The following WDFY2 variants were observed in gnomAD, a reference collection of about 807,000 sequenced individuals.
The protein encoded by WDFY2 is WD repeat and FYVE domain-containing protein 2.
In WDFY2, 36 loss-of-function variants were observed where a neutral mutation model predicts 56.4. The observed-to-expected ratio is 0.64, with a 90% confidence interval of 0.49 to 0.84. WDFY2 has a LOEUF of 0.84. Ranked by LOEUF, WDFY2 falls within the 40% of genes least tolerant of loss-of-function variation. WDFY2 has a pLI of 0.00. For missense variants in WDFY2, 444 were observed against 512.2 expected, an observed-to-expected ratio of 0.87 and a Z score of 1.29; for synonymous variants, 176 against 183.7, an observed-to-expected ratio of 0.96 and a Z score of 0.34.
At chr13:51,720,665 T>C (rs1952466977) in intron 5 of WDFY2, among the ~76,000 whole-genome samples, 1 of 152,172 alleles carries the variant, frequency 6.6e-6, no homozygotes, top group South Asian at 2.1e-4. Context: ...AAACTTGGTG[T>C]CCTTTAAACA....
rs571251169 is a variant in WDFY2 at position 51,680,996 on chromosome 13, G to T, written c.279+5753G>T. On this transcript the variant is annotated intron_variant, in intron 3 of 11. Transcript: ENST00000298125. ...ACTGTTAAAAAATATGTGTTGGGTT[G>T]GGGGCAGGAATTTCAGCATTTAATC... Among the ~76,000 whole-genome samples the T allele has an allele frequency of 6.6e-5, 10 of 152,282 alleles. No homozygotes were observed. The East Asian group carries it at 7.7e-4, about 12-fold the overall frequency.
At chr13:51,609,450 C>G (rs1054166349) in intron 1 of WDFY2, among the ~76,000 whole-genome samples, 4 of 151,980 alleles carry the variant, frequency 2.6e-5, no homozygotes, top group Non-Finnish European at 5.9e-5. Context: ...AAAGTAGATA[C>G]AAGAACTAAA....
At chr13:51,745,973 C>CTTTTTCTTTTT (rs1953090484) in intron 7 of WDFY2, among the ~76,000 whole-genome samples, 3 of 100,734 alleles carry the variant, frequency 3.0e-5, no homozygotes, top group Non-Finnish European at 5.7e-5. Flanking sequence ...TTTTCTTTTT[C>CTTTTTCTTTTT]TTTTTTTTTT....
chr13:51,641,825 C>CAA (rs750489541), intron 1 of WDFY2, among the ~76,000 whole-genome samples: 953 of 37,272 alleles, frequency 0.026, 77 homozygotes, highest in Admixed American at 0.03. Flanking sequence ...GACTCCGTCT[C>CAA]AAAAAAAAAA....
chr13:51,697,250 A>C (rs1192759579), intron 3 of WDFY2, among the ~76,000 whole-genome samples: 1 of 152,234 alleles, frequency 6.6e-6, no homozygotes. Flanking sequence ...GTTTCTAGAA[A>C]ACCATCCAAA....
At chr13:51,754,187 C>T (rs1273782041) in intron 8 of WDFY2, among the ~76,000 whole-genome samples, 2 of 151,988 alleles carry the variant, frequency 1.3e-5, no homozygotes, top group East Asian at 3.9e-4. Context: ...CTCTCCCATC[C>T]TGCTGTTTCT....
chr13:51,695,919 G>C (rs1951864937), intron 3 of WDFY2, among the ~76,000 whole-genome samples: 1 of 152,212 alleles, frequency 6.6e-6, no homozygotes, highest in African/African-American at 2.4e-5. Context: ...CCGCCTTGCA[G>C]TTTGATCTCA....
chr13:51,648,593 G>T (rs769015389), intron 1 of WDFY2, among the ~76,000 whole-genome samples: 1 of 152,042 alleles, frequency 6.6e-6, no homozygotes, highest in African/African-American at 2.4e-5. Context: ...TCAAACATCC[G>T]TTTTAACCTT....
chr13:51,703,680 C>G, intron 4 of WDFY2, 30 bp downstream of exon 4: 1 of 1,567,692 alleles, frequency 6.4e-7, no homozygotes, highest in Non-Finnish European at 8.7e-7. Context: ...CCTTCATTAC[C>G]CAGATTCTAA....
chr13:51,755,502 A>G, intron 9 of WDFY2, 43 bp downstream of exon 9: 1 of 1,576,712 alleles, frequency 6.3e-7, no homozygotes, highest in Non-Finnish European at 8.7e-7. Context: ...TTATATGGAA[A>G]TAGCTCAACC....
intron 1 of WDFY2, among the ~76,000 whole-genome samples, chr13:51,618,037 T>A (rs1197350441): frequency 6.6e-6 from 1 of 152,246 alleles, no homozygotes; most frequent in Non-Finnish European, 1.5e-5. Flanking sequence ...CCTTTTTTGA[T>A]GTAGACGTAC....
chr13:51,737,626 TGAG>T (rs1952871631), intron 6 of WDFY2, among the ~76,000 whole-genome samples: 2 of 148,562 alleles, frequency 1.3e-5, no homozygotes, highest in South Asian at 2.2e-4. Flanking sequence ...AAGATGTTTC[TGAG>T]GAGGTGACCT....
At position 51,760,599 on chromosome 13, in the gene WDFY2, C is replaced by T. The variant is rs528081679; in HGVS notation, c.*830C>T. On this transcript the variant is annotated 3_prime_UTR_variant, in exon 12 of 12. Transcript: ENST00000298125. The stretch of plus-strand genomic sequence containing the variant: ...GAGCCTCTTGTTTTAGCTTTTTTGA[C>T]GCAGCTCTCCCTCACTCGTAACAAT... The T allele has an allele frequency of 5.3e-5, 8 of 152,238 alleles. No individual in the cohort carries two copies. Among genetic ancestry groups the T allele is most frequent in the South Asian group, 4.2e-4 (2 of 4,816 alleles). The allele number at this position is 152,238 out of a possible 1,614,324, so 9.4% of individuals were successfully genotyped here. A position where few individuals can be genotyped will look rare whatever the true frequency, so the allele number is the denominator to read the frequency against.
rs1229454148 is a variant in WDFY2 at position 51,761,930 on chromosome 13, C to G, written c.*2161C>G. The G allele has an allele frequency of 6.6e-6, 1 of 152,204 alleles. No individual in the cohort carries two copies. Among genetic ancestry groups the G allele is most frequent in the African/African-American group, 2.4e-5 (1 of 41,456 alleles). The allele number at this position is 152,204 out of a possible 1,614,324, so 9.4% of individuals were successfully genotyped here. A position where few individuals can be genotyped will look rare whatever the true frequency, so the allele number is the denominator to read the frequency against. ...GCCTCGCTGCCCTGGTCCAGACTAC[C>G]CTTGCTTGCGTCAGTCAAAACTGTT... On this transcript the variant is annotated 3_prime_UTR_variant, in exon 12 of 12. Transcript: ENST00000298125.
intron 1 of WDFY2, among the ~76,000 whole-genome samples, chr13:51,607,086 C>T (rs890692366): frequency 9.2e-5 from 14 of 152,198 alleles, no homozygotes; most frequent in African/African-American, 3.1e-4. Flanking sequence ...TGCTTTTCTC[C>T]TCTTAGAAAC....
chr13:51,685,634 A>G (rs1047971963), intron 3 of WDFY2, among the ~76,000 whole-genome samples: 3 of 152,118 alleles, frequency 2.0e-5, no homozygotes, highest in Non-Finnish European at 4.4e-5. Context: ...TCTTCATCCT[A>G]TTCACGTTGA....
At chr13:51,679,060 T>C (rs1023986930) in intron 3 of WDFY2, among the ~76,000 whole-genome samples, 1 of 152,104 alleles carries the variant, frequency 6.6e-6, no homozygotes, top group Non-Finnish European at 1.5e-5. Flanking sequence ...TATAAACTAA[T>C]TTGGTAGAGA....
chr13:51,746,605 T>C (rs1953110685), intron 7 of WDFY2, among the ~76,000 whole-genome samples: 1 of 152,268 alleles, frequency 6.6e-6, no homozygotes, highest in Non-Finnish European at 1.5e-5. Context: ...TGCAAATAAC[T>C]ATGTTTCCAT....
At chr13:51,616,446 A>C (rs951885989) in intron 1 of WDFY2, among the ~76,000 whole-genome samples, 2 of 152,160 alleles carry the variant, frequency 1.3e-5, no homozygotes, top group Non-Finnish European at 2.9e-5. Context: ...CACCTGCATC[A>C]GTCAGGATAG....
Sources: allele counts gnomAD v4.1 joint callset (sites outside exome capture counted in the v4.1 genomes callset), GRCh38; gene constraint gnomAD v4.1.1; transcripts MANE v1.5; gene names NCBI Gene and HGNC (gene_info 2026-07-23, HGNC 2026-07-21).